CBLB: variants seen among roughly 807,000 people sequenced by gnomAD.
CBLB encodes the protein Cbl proto-oncogene B, also known as E3 ubiquitin-protein ligase CBL-B.
In CBLB, 31 loss-of-function variants were observed where a neutral mutation model predicts 104.9. That is an observed-to-expected ratio of 0.30 (90% CI 0.22 to 0.40). CBLB has a LOEUF of 0.40. Ranked by LOEUF, CBLB falls within the 10% of genes least tolerant of loss-of-function variation. The pLI, the probability that CBLB is intolerant of heterozygous loss-of-function variation, is 1.00. For missense variants in CBLB, 1,062 were observed against 1,214.6 expected (o/e 0.87, Z 1.87); for synonymous variants, 440 against 422.6 (o/e 1.04, Z -0.51).
chr3:105,747,227 T>A (rs1378304271), intron 5 of CBLB, among the ~76,000 whole-genome samples: 1 of 152,150 alleles, frequency 6.6e-6, no homozygotes, highest in African/African-American at 2.4e-5. Flanking sequence ...GCATACTCTA[T>A]CTGATGTGCC....
At position 105,853,647 on chromosome 3, in the gene CBLB, A is replaced by G; in HGVS notation, c.186T>C (p.Asn62=). The G allele has an allele frequency of 6.2e-7, 1 of 1,604,558 alleles. No homozygotes were observed. Among genetic ancestry groups the G allele is most frequent in the Non-Finnish European group, 8.5e-7 (1 of 1,173,568 alleles). ...LMDKVVRLCQ[N]PKLQLKNSPP... is the part of the protein sequence containing the mutation. ...GGCTATTTTTCAACTGAAGTTTGGG[A>G]TTTTGGCACAGTCTTACCTAAAAAC... The change falls in exon 3 of 19, where the codon AAT becomes AAC. Residue 62 remains asparagine (N), a synonymous_variant. Transcript: ENST00000394030.
chr3:105,860,261 G>A (rs754858545), intron 2 of CBLB, among the ~76,000 whole-genome samples: 33 of 152,156 alleles, frequency 2.2e-4, no homozygotes, highest in Middle Eastern at 3.2e-3. Flanking sequence ...AGGTAAGGAC[G>A]AACCTCTCAG....
At chr3:105,732,259 T>G (rs975700880) in intron 9 of CBLB, among the ~76,000 whole-genome samples, 1 of 152,206 alleles carries the variant, frequency 6.6e-6, no homozygotes, top group Admixed American at 6.5e-5. Context: ...CAAACAATTC[T>G]GTCTTCTACC....
At chr3:105,800,458 A>G (rs902092681) in intron 3 of CBLB, among the ~76,000 whole-genome samples, 2 of 152,112 alleles carry the variant, frequency 1.3e-5, no homozygotes, top group African/African-American at 4.8e-5. Flanking sequence ...GCTCAATTCA[A>G]TCACAGCCTT....
At chr3:105,799,870 T>C (rs570846114) in intron 3 of CBLB, among the ~76,000 whole-genome samples, 2 of 152,240 alleles carry the variant, frequency 1.3e-5, no homozygotes, top group Non-Finnish European at 2.9e-5. Context: ...AGGTCTCTTA[T>C]GTCATAACTA....
chr3:105,702,503 A>AAAAT, intron 11 of CBLB, 44 bp from the exon 12 acceptor site: 1 of 1,450,234 alleles, frequency 6.9e-7, no homozygotes, highest in Non-Finnish European at 9.2e-7. Flanking sequence ...AAAAAAACTA[A>AAAAT]AGGTTGTACC....
At chr3:105,840,087 G>C (rs1043228506) in intron 3 of CBLB, among the ~76,000 whole-genome samples, 18 of 152,140 alleles carry the variant, frequency 1.2e-4, no homozygotes, top group African/African-American at 4.1e-4. Context: ...TAGAAAATCA[G>C]TATGCCCTAC....
chr3:105,725,783 G>A (rs917941589), intron 9 of CBLB, among the ~76,000 whole-genome samples: 3 of 152,190 alleles, frequency 2.0e-5, no homozygotes, highest in Admixed American at 6.5e-5. Context: ...AAATTTCACT[G>A]AGGCTAGAAA....
chr3:105,690,355 CA>C (rs1184605335), intron 13 of CBLB, among the ~76,000 whole-genome samples: 1 of 152,196 alleles, frequency 6.6e-6, no homozygotes, highest in Non-Finnish European at 1.5e-5. Flanking sequence ...AGACCATCCA[CA>C]GCCAAGACTC....
At chr3:105,690,865 G>A (rs2067603025) in intron 13 of CBLB, among the ~76,000 whole-genome samples, 1 of 151,528 alleles carries the variant, frequency 6.6e-6, no homozygotes, top group African/African-American at 2.4e-5. Flanking sequence ...GCGGAGTCAG[G>A]TGTGGTACAC....
intron 3 of CBLB, among the ~76,000 whole-genome samples, chr3:105,823,228 TTC>T: frequency 6.6e-6 from 1 of 152,312 alleles, no homozygotes; most frequent in East Asian, 1.9e-4. Flanking sequence ...AAACAGCTGT[TTC>T]TGTTAGGATC....
At chr3:105,739,194 G>A (rs1560029635) in intron 7 of CBLB, among the ~76,000 whole-genome samples, 1 of 152,214 alleles carries the variant, frequency 6.6e-6, no homozygotes, top group Non-Finnish European at 1.5e-5. Flanking sequence ...ACAGGCGTAA[G>A]CCACCACTCC....
rs181228288 is a variant in CBLB at position 105,662,190 on chromosome 3, C to A, written c.2690-2961G>T. 8.8e-4 allele frequency among the ~76,000 whole-genome samples: 134 copies of A among 152,290 alleles called. 1 individual carries two copies. Among genetic ancestry groups the A allele is most frequent in the African/African-American group, 3.1e-3 (130 of 41,560 alleles). On this transcript the variant is annotated intron_variant, in intron 18 of 18. Coordinates refer to ENST00000394030, the MANE Select transcript of CBLB (RefSeq NM_170662.5). ...TTTCTGTCTCTTCCCAAAGCCCAGACGCAGCCTTCACTTTCTCCACTTTTC... is the reference window on the plus strand; with the variant it reads ...TTTCTGTCTCTTCCCAAAGCCCAGAAGCAGCCTTCACTTTCTCCACTTTTC...
At chr3:105,780,811 C>T (rs543828242) in intron 3 of CBLB, among the ~76,000 whole-genome samples, 2 of 151,600 alleles carry the variant, frequency 1.3e-5, no homozygotes, top group East Asian at 3.9e-4. Context: ...TACAGGCGCC[C>T]GCCACCATGC....
chr3:105,855,173 T>C (rs2091446861), intron 2 of CBLB, among the ~76,000 whole-genome samples: 1 of 152,100 alleles, frequency 6.6e-6, no homozygotes, highest in African/African-American at 2.4e-5. Flanking sequence ...TAATATATGA[T>C]CTCATTTTCA....
chr3:105,846,543 T>C (rs2090277984), intron 3 of CBLB, among the ~76,000 whole-genome samples: 1 of 152,104 alleles, frequency 6.6e-6, no homozygotes, highest in Admixed American at 6.6e-5. Flanking sequence ...TTAATTTTCA[T>C]TTGTGACATT....
intron 3 of CBLB, among the ~76,000 whole-genome samples, chr3:105,834,657 A>G (rs116362184): frequency 0.07 from 2,315 of 33,092 alleles, 50 homozygotes; most frequent in African/African-American, 0.12. Flanking sequence ...CTCCATCTCA[A>G]AAAAGAAAAG....
In CBLB at chr3:105,733,691, TACAA is replaced by T. The variant is rs572283286; in HGVS notation, c.1203+314_1203+317del. ...TACTTGGCTTCAGAAACTGACCTAC[TACAA>T]ACAGATTCTGACCTATCAATAAATG... On this transcript the variant is annotated intron_variant, in intron 9 of 18. Coordinates refer to ENST00000394030, the MANE Select transcript of CBLB (RefSeq NM_170662.5). 1.4e-4 allele frequency among the ~76,000 whole-genome samples: 22 copies of T among 152,302 alleles called. No homozygotes were observed. The South Asian group carries it at 4.1e-3, about 29-fold the overall frequency.
In CBLB at chr3:105,656,026, GGAAGAGCT is replaced by G; in HGVS notation, c.*2936_*2943del. The G allele has an allele frequency of 4.4e-6, 1 of 227,734 alleles. No individual in the cohort carries two copies. Among genetic ancestry groups the G allele is most frequent in the Non-Finnish European group, 8.7e-6 (1 of 114,650 alleles). The allele number at this position is 227,734 out of a possible 1,614,324, so 14.1% of individuals were successfully genotyped here. Reference sequence around the variant, plus strand: ...ATGTGGGCAAAAGGGAAACAGAGAGGGAAGAGCTGAAGGTTGTATTTGTGGAAGGAAAT... The same window carrying G: ...ATGTGGGCAAAAGGGAAACAGAGAGGGAAGGTTGTATTTGTGGAAGGAAAT... On this transcript the variant is annotated 3_prime_UTR_variant, in exon 19 of 19. Transcript: ENST00000394030.
Sources: gnomAD v4.1 joint callset for allele counts (sites outside exome capture counted in the v4.1 genomes callset) on GRCh38, gnomAD v4.1.1 for gene constraint, MANE v1.5 for transcripts, NCBI Gene and HGNC (gene_info 2026-07-23, HGNC 2026-07-21) for gene names.